The following KIAA1958 variants were observed in gnomAD, a reference collection of about 807,000 sequenced individuals.
The protein encoded by KIAA1958 is KIAA1958, also known as uncharacterized protein KIAA1958.
A neutral mutation model predicts 47.2 loss-of-function variants in KIAA1958; 14 were observed. The ratio of observed to expected loss-of-function variants is 0.30; its 90% confidence interval spans 0.20 to 0.46. KIAA1958 has a LOEUF of 0.46. KIAA1958 is among the 20% of genes least tolerant of loss of function. The probability of loss-of-function intolerance (pLI) is 1.00; values close to 1 mark genes in which losing one functional copy is unlikely to be tolerated. For missense variants in KIAA1958, 803 were observed against 909.2 expected (o/e 0.88, Z 1.50); for synonymous variants, 354 against 353.3 (o/e 1.00, Z -0.02).
At chr9:112,590,558 G>A (rs1441517699) in intron 2 of KIAA1958, among the ~76,000 whole-genome samples, 2 of 151,946 alleles carry the variant, frequency 1.3e-5, no homozygotes, top group African/African-American at 2.4e-5. Flanking sequence ...CACTGTGTTC[G>A]CCAGACTGGT....
At chr9:112,519,378 C>T (rs974750056) in intron 1 of KIAA1958, among the ~76,000 whole-genome samples, 4 of 152,166 alleles carry the variant, frequency 2.6e-5, no homozygotes, top group Admixed American at 2.6e-4. Flanking sequence ...CATAGCTTTT[C>T]AAACTGTTTT....
At chr9:112,552,706 C>G (rs1278707906) in intron 1 of KIAA1958, among the ~76,000 whole-genome samples, 15 of 152,220 alleles carry the variant, frequency 9.9e-5, no homozygotes, top group Admixed American at 9.8e-4. Flanking sequence ...GTGCCTTAGT[C>G]AGATATTCTG....
chr9:112,517,213 TAG>T (rs1450557975), intron 1 of KIAA1958, among the ~76,000 whole-genome samples: 2 of 92,140 alleles, frequency 2.2e-5, no homozygotes, highest in Admixed American at 1.2e-4. Context: ...TAGAACATCA[TAG>T]AGAGTCCAGA....
rs530937862 is a variant in KIAA1958 at position 112,508,051 on chromosome 9, A to G, written c.-25+20933A>G. ...ATATACAACCTATAATTTTGTATAC[A>G]TTTTAGGAAATATGTGGACTCTTGG... On this transcript the variant is annotated intron_variant, in intron 1 of 3. Coordinates refer to ENST00000337530, the MANE Select transcript of KIAA1958 (RefSeq NM_133465.4). Among the ~76,000 whole-genome samples the G allele has an allele frequency of 2.5e-4, 38 of 152,144 alleles. No individual in the cohort carries two copies. In the South Asian group the frequency reaches 5.2e-3, roughly 21 times the overall value.
chr9:112,494,095 T>G (rs1027204511), intron 1 of KIAA1958, among the ~76,000 whole-genome samples: 1 of 152,240 alleles, frequency 6.6e-6, no homozygotes, highest in Non-Finnish European at 1.5e-5. Context: ...GTAAAATGTG[T>G]TGTTGTCAAA....
intron 2 of KIAA1958, among the ~76,000 whole-genome samples, chr9:112,625,123 A>T (rs922511465): frequency 6.6e-6 from 1 of 152,050 alleles, no homozygotes; most frequent in African/African-American, 2.4e-5. Context: ...AATTGGAAAC[A>T]TTTAATCTAC....
intron 3 of KIAA1958, among the ~76,000 whole-genome samples, chr9:112,659,019 C>CAAAAAAAAAAAAAAAA (rs560013892): frequency 6.2e-4 from 36 of 57,712 alleles, no homozygotes; most frequent in Non-Finnish European, 7.1e-4. Context: ...GACTCTGACT[C>CAAAAAAAAAAAAAAAA]AAAAAAAAAA....
At chr9:112,635,428 G>A (rs1365123776) in intron 2 of KIAA1958, among the ~76,000 whole-genome samples, 6 of 151,952 alleles carry the variant, frequency 3.9e-5, no homozygotes, top group Non-Finnish European at 7.4e-5. Flanking sequence ...TTTTTTGTAA[G>A]TTTTGTAGAG....
At chr9:112,621,977 A>G (rs192966106) in intron 2 of KIAA1958, among the ~76,000 whole-genome samples, 19 of 152,282 alleles carry the variant, frequency 1.2e-4, no homozygotes, top group Admixed American at 7.2e-4. Context: ...CCTAGCCTCA[A>G]GAGATCCTCC....
At chr9:112,497,998 A>G (rs1834072364) in intron 1 of KIAA1958, among the ~76,000 whole-genome samples, 1 of 152,166 alleles carries the variant, frequency 6.6e-6, no homozygotes, top group East Asian at 1.9e-4. Flanking sequence ...AAAGAGTAAG[A>G]TATGCAATAA....
rs116743843 is a variant in KIAA1958, at chr9:112,608,790, C to T, written c.1171+33539C>T. 5.3e-3 allele frequency among the ~76,000 whole-genome samples: 800 copies of T among 151,542 alleles called. 4 individuals carry two copies. Among genetic ancestry groups the T allele is most frequent in the African/African-American group, 0.018 (755 of 41,280 alleles). On this transcript the variant is annotated intron_variant, in intron 2 of 3. Transcript: ENST00000337530. The stretch of plus-strand genomic sequence containing the variant: ...GGGGTGGCATGCACCTGTAGTCCCA[C>T]CTGCTCAGGAGGCTGAGGCAGGAAG...
At chr9:112,582,682 T>C (rs1480954090) in intron 2 of KIAA1958, 1 of 148,626 alleles carries the variant, frequency 6.7e-6, no homozygotes, top group African/African-American at 2.5e-5. Context: ...AAAGAACAGC[T>C]CTTATTTCAA....
At chr9:112,490,911 T>C (rs542064916) in intron 1 of KIAA1958, among the ~76,000 whole-genome samples, 4 of 152,358 alleles carry the variant, frequency 2.6e-5, no homozygotes, top group African/African-American at 9.6e-5. Context: ...GATATTCTTA[T>C]ACTGAAAGGA....
chr9:112,637,904 T>C (rs1021555779), intron 2 of KIAA1958, among the ~76,000 whole-genome samples: 10 of 152,052 alleles, frequency 6.6e-5, no homozygotes, highest in African/African-American at 1.9e-4. Context: ...ATCCCAACAC[T>C]TTGGGAGGCC....
chr9:112,625,220 A>T (rs1836588147), intron 2 of KIAA1958, among the ~76,000 whole-genome samples: 1 of 152,184 alleles, frequency 6.6e-6, no homozygotes, highest in South Asian at 2.1e-4. Context: ...GACTCACTGC[A>T]GTGGCACTGC....
At position 112,594,601 on chromosome 9, in the gene KIAA1958, C is replaced by T. The variant is rs146248832; in HGVS notation, c.1171+19350C>T. ...GAATAATATCCCTCATACACAGATACATCACACTTTGTTTATCCATTCAGG... is the reference window on the plus strand; with the variant it reads ...GAATAATATCCCTCATACACAGATATATCACACTTTGTTTATCCATTCAGG... On this transcript the variant is annotated intron_variant, in intron 2 of 3. Transcript: ENST00000337530. Among the ~76,000 whole-genome samples, 992 of 152,306 alleles carry T rather than the reference C, an allele frequency of 6.5e-3. 15 individuals are homozygous for T. The highest frequency in any genetic ancestry group is 0.023 in the African/African-American group (948 of 41,560).
intron 1 of KIAA1958, among the ~76,000 whole-genome samples, chr9:112,570,164 G>A (rs1186757482): frequency 6.6e-6 from 1 of 152,202 alleles, no homozygotes; most frequent in African/African-American, 2.4e-5. Flanking sequence ...ATCAAGAATA[G>A]TTCACCATTT....
At chr9:112,541,394 C>T (rs547023350) in intron 1 of KIAA1958, among the ~76,000 whole-genome samples, 2 of 150,696 alleles carry the variant, frequency 1.3e-5, no homozygotes, top group South Asian at 4.2e-4. Context: ...AAATGTAGAG[C>T]AAAAATAATA....
At chr9:112,641,310 C>T (rs1836884949) in intron 2 of KIAA1958, among the ~76,000 whole-genome samples, 1 of 147,054 alleles carries the variant, frequency 6.8e-6, no homozygotes, top group Non-Finnish European at 1.5e-5. Context: ...TCCCTTACAA[C>T]TCTGAGGAGA....
Sources: allele counts gnomAD v4.1 joint callset (sites outside exome capture counted in the v4.1 genomes callset), GRCh38; gene constraint gnomAD v4.1.1; transcripts MANE v1.5; gene names NCBI Gene and HGNC (gene_info 2026-07-23, HGNC 2026-07-21).